Variants in SRPK2 observed in about 807,000 individuals in gnomAD.
The protein encoded by SRPK2 is SRSF protein kinase 2.
Under a neutral mutation model 90.8 loss-of-function variants are expected in SRPK2, and 21 were observed. The observed-to-expected ratio is 0.23, with a 90% CI of 0.16 to 0.33. The LOEUF is 0.33. Among genes scored for constraint, SRPK2 ranks in the 10% least tolerant of loss-of-function variants. The pLI, the probability that SRPK2 is intolerant of heterozygous loss-of-function variation, is 1.00. For missense variants in SRPK2, 620 were observed against 869.0 expected (o/e 0.71, Z 3.60); for synonymous variants, 288 against 311.1 (o/e 0.93, Z 0.78).
intron 2 of SRPK2, among the ~76,000 whole-genome samples, chr7:105,369,065 C>T (rs1438590710): frequency 6.6e-6 from 1 of 151,792 alleles, no homozygotes; most frequent in Non-Finnish European, 1.5e-5. Flanking sequence ...CCTGCCAATT[C>T]TCTCAGAGTA....
chr7:105,366,243 AAATTATCAAACCATCTTTTGCTGG>A (rs978859844), intron 2 of SRPK2, among the ~76,000 whole-genome samples: 2 of 152,032 alleles, frequency 1.3e-5, no homozygotes. Context: ...CAAACCTCTA[AAATTATCAAACCATCTTTTGCTGG>A]AATTAAATTC....
intron 2 of SRPK2, among the ~76,000 whole-genome samples, chr7:105,216,391 G>A (rs1484018569): frequency 6.6e-6 from 1 of 152,096 alleles, no homozygotes; most frequent in African/African-American, 2.4e-5. Context: ...TGAGATGAAG[G>A]AAAGGAGGTA....
chr7:105,334,797 G>A (rs1457578447), intron 2 of SRPK2, among the ~76,000 whole-genome samples: 1 of 134,888 alleles, frequency 7.4e-6, no homozygotes, highest in African/African-American at 2.9e-5. Context: ...CCAAAATCAT[G>A]CCACTGCACT....
At position 105,159,448 on chromosome 7, in the gene SRPK2, C is replaced by CAAAAAAAAAAAA. The variant is rs765544583; in HGVS notation, c.621+1047_621+1058dup. ...GGGTGACAGAGCGAGACTCCGTCTCCAAAAAAAAAAAAAAAAAAAAAAAAA... is the reference window on the plus strand; with the variant it reads ...GGGTGACAGAGCGAGACTCCGTCTCCAAAAAAAAAAAAAAAAAAAAAAAAAAAAAAAAAAAAA... On this transcript the variant is annotated intron_variant, in intron 7 of 15. Coordinates refer to ENST00000393651, the MANE Select transcript of SRPK2 (RefSeq NM_182692.3). Among the ~76,000 whole-genome samples the CAAAAAAAAAAAA allele has an allele frequency of 4.9e-3, 163 of 33,136 alleles. 20 individuals carry two copies. The highest frequency in any genetic ancestry group is 8.6e-3 in the African/African-American group (92 of 10,694). The allele number at this position is 33,136 out of a possible 152,430, so 21.7% of individuals were successfully genotyped here. A position where few individuals can be genotyped will look rare whatever the true frequency, so the allele number is the denominator to read the frequency against.
intron 9 of SRPK2, 114 bp from the exon 10 acceptor site, chr7:105,143,444 A>G: frequency 7.4e-7 from 1 of 1,349,936 alleles, no homozygotes; most frequent in South Asian, 1.4e-5. Flanking sequence ...GCCATATTCT[A>G]TTAAAATCCC....
intron 2 of SRPK2, among the ~76,000 whole-genome samples, chr7:105,223,644 C>T (rs1472745744): frequency 6.6e-6 from 1 of 152,176 alleles, no homozygotes; most frequent in Non-Finnish European, 1.5e-5. Context: ...TACATGTTTT[C>T]CTCTGCCACT....
chr7:105,263,424 T>C (rs1175767737), intron 2 of SRPK2, among the ~76,000 whole-genome samples: 2 of 151,930 alleles, frequency 1.3e-5, no homozygotes, highest in African/African-American at 4.8e-5. Flanking sequence ...TAAACTGAGG[T>C]ATATTCATGA....
chr7:105,118,748 G>A (rs998799535), intron 15 of SRPK2, among the ~76,000 whole-genome samples: 1 of 151,834 alleles, frequency 6.6e-6, no homozygotes, highest in Admixed American at 6.6e-5. Flanking sequence ...ACCAGACCCT[G>A]TCTCTACTTA....
At chr7:105,196,292 TTAA>T (rs1454300667) in intron 3 of SRPK2, among the ~76,000 whole-genome samples, 1 of 152,214 alleles carries the variant, frequency 6.6e-6, no homozygotes, top group Non-Finnish European at 1.5e-5. Context: ...CTGTGCAGCA[TTAA>T]TGATTTTAAG....
At chr7:105,281,104 C>T (rs538618480) in intron 2 of SRPK2, among the ~76,000 whole-genome samples, 1 of 151,146 alleles carries the variant, frequency 6.6e-6, no homozygotes. Context: ...GTTTTTCCCC[C>T]GCTTTTTCTG....
intron 2 of SRPK2, among the ~76,000 whole-genome samples, chr7:105,250,615 T>C (rs1334680766): frequency 1.3e-5 from 2 of 152,188 alleles, no homozygotes; most frequent in Non-Finnish European, 2.9e-5. Context: ...ACCAAGGAAC[T>C]AAATGGAGCC....
At chr7:105,381,504 C>G (rs949623459) in intron 2 of SRPK2, among the ~76,000 whole-genome samples, 1 of 152,000 alleles carries the variant, frequency 6.6e-6, no homozygotes, top group African/African-American at 2.4e-5. Context: ...AACAAAAAAA[C>G]TAAGCACTAC....
At chr7:105,317,554 T>C (rs752495229) in intron 2 of SRPK2, among the ~76,000 whole-genome samples, 10 of 152,190 alleles carry the variant, frequency 6.6e-5, no homozygotes, top group Admixed American at 3.9e-4. Context: ...CAAAAGCGTA[T>C]GAAATGAGCT....
chr7:105,313,987 ATTTGT>A (rs1441921280), intron 2 of SRPK2, among the ~76,000 whole-genome samples: 3 of 152,168 alleles, frequency 2.0e-5, no homozygotes, highest in African/African-American at 7.2e-5. Flanking sequence ...AATGACATCT[ATTTGT>A]TTTAACTGCA....
At chr7:105,228,419 A>T (rs1412393706) in intron 2 of SRPK2, among the ~76,000 whole-genome samples, 1 of 152,254 alleles carries the variant, frequency 6.6e-6, no homozygotes, top group Non-Finnish European at 1.5e-5. Context: ...CTGAAATTCC[A>T]ATTTCTGGAT....
At chr7:105,287,802 G>C (rs1156923572) in intron 2 of SRPK2, among the ~76,000 whole-genome samples, 1 of 152,122 alleles carries the variant, frequency 6.6e-6, no homozygotes, top group Non-Finnish European at 1.5e-5. Context: ...TGTAGAAAGA[G>C]GAAACATAGG....
intron 6 of SRPK2, among the ~76,000 whole-genome samples, chr7:105,162,919 A>G (rs1807900091): frequency 6.6e-6 from 1 of 152,242 alleles, no homozygotes; most frequent in Non-Finnish European, 1.5e-5. Context: ...AGCTGTCCCA[A>G]GAAGGACCTT....
intron 2 of SRPK2, among the ~76,000 whole-genome samples, chr7:105,362,847 C>T (rs1818592320): frequency 6.6e-6 from 1 of 152,118 alleles, no homozygotes; most frequent in Non-Finnish European, 1.5e-5. Flanking sequence ...ACATATACAC[C>T]ACGGAATACT....
At chr7:105,232,457 CTA>C (rs1799547906) in intron 2 of SRPK2, among the ~76,000 whole-genome samples, 1 of 18,918 alleles carries the variant, frequency 5.3e-5, no homozygotes, top group African/African-American at 1.8e-4. Context: ...GAAACCTTAT[CTA>C]AAAAAAAAAA....
Sources: gnomAD v4.1 joint callset for allele counts (sites outside exome capture counted in the v4.1 genomes callset) on GRCh38, gnomAD v4.1.1 for gene constraint, MANE v1.5 for transcripts, NCBI Gene and HGNC (gene_info 2026-07-23, HGNC 2026-07-21) for gene names.